The following ALK variants were observed in gnomAD, a reference collection of about 807,000 sequenced individuals.
ALK encodes the protein ALK tyrosine kinase receptor.
ALK carries 74 observed loss-of-function variants against 163.1 expected under a neutral mutation model. That is an observed-to-expected ratio of 0.45 (90% CI 0.38 to 0.55). The LOEUF (loss-of-function observed/expected upper bound fraction) is 0.55, where lower values mean the gene tolerates loss of function less well. Among genes scored for constraint, ALK ranks in the 20% least tolerant of loss-of-function variants. The probability of loss-of-function intolerance (pLI) is 0.00; values close to 1 mark genes in which losing one functional copy is unlikely to be tolerated. For synonymous variants in ALK, 960 were observed against 843.2 expected (o/e 1.14, Z -2.40); for missense variants, 2,063 against 2,105.3 (o/e 0.98, Z 0.39).
At chr2:29,556,738 A>C (rs1317094195) in intron 3 of ALK, among the ~76,000 whole-genome samples, 1 of 152,192 alleles carries the variant, frequency 6.6e-6, no homozygotes, top group Non-Finnish European at 1.5e-5. Context: ...TTTTCTGATC[A>C]ATATTCTACC....
In ALK at chr2:29,383,743, T is replaced by G. The variant is rs1668961804; in HGVS notation, c.1271A>C (p.Asn424Thr). The change falls in exon 5 of 29, where the codon AAC (asparagine) becomes ACC (threonine). Residue 424 changes from asparagine (N) to threonine (T), a missense_variant. Asn to Thr is a moderately conservative substitution (Grantham distance 65). Coordinates refer to ENST00000389048, the MANE Select transcript of ALK (RefSeq NM_004304.5). ...CCAGATTCAGATACCTTCACTGCAG[T>G]TCTTCAGGGCAAAGAAGTCCACTGC... Reference protein sequence around the residue: ...LSAVDFFALKNCSEGTSPGSK... With the variant: ...LSAVDFFALKTCSEGTSPGSK... The G allele has an allele frequency of 6.2e-7, 1 of 1,614,036 alleles. No homozygotes were observed. The highest frequency in any genetic ancestry group is 8.5e-7 in the Non-Finnish European group (1 of 1,179,954).
chr2:29,327,971 C>T (rs922712299), intron 6 of ALK, among the ~76,000 whole-genome samples: 1 of 151,930 alleles, frequency 6.6e-6, no homozygotes, highest in Non-Finnish European at 1.5e-5. Flanking sequence ...AGCTGGGGTG[C>T]ATGGAGGAGG....
At chr2:29,542,869 C>T (rs1673450160) in intron 3 of ALK, among the ~76,000 whole-genome samples, 1 of 152,186 alleles carries the variant, frequency 6.6e-6, no homozygotes, top group South Asian at 2.1e-4. Flanking sequence ...TCTTTCATCT[C>T]TAGCAAATCT....
intron 7 of ALK, among the ~76,000 whole-genome samples, 168 bp downstream of exon 7, chr2:29,320,583 C>G (rs1040921045): frequency 4.6e-5 from 7 of 152,210 alleles, no homozygotes; most frequent in African/African-American, 1.4e-4. Context: ...TTTAATCACT[C>G]GAAAGCCCAA....
chr2:29,239,778 G>T lies in ALK; in HGVS notation c.2257C>A (p.Arg753=), dbSNP rs745499366. The change falls in exon 13 of 29, where the codon CGG becomes AGG. Residue 753 remains arginine, a synonymous_variant. Transcript: ENST00000389048. The part of the protein sequence containing the change: ...GGKGGKNTMM[R]SHGVSVLGIF... ...CCCAGCACAGACACGCCGTGGGACC[G>T]CATCATGGTGTTCTTCCCGCCTTTC... The T allele has an allele frequency of 1.4e-5, 23 of 1,613,790 alleles. No individual in the cohort carries two copies. The highest frequency in any genetic ancestry group is 1.8e-5 in the Non-Finnish European group (21 of 1,180,022).
intron 3 of ALK, among the ~76,000 whole-genome samples, chr2:29,672,140 C>T (rs1057137210): frequency 6.7e-6 from 1 of 149,838 alleles, no homozygotes; most frequent in Non-Finnish European, 1.5e-5. Flanking sequence ...CCCTGCATAC[C>T]TTCTGCAGGA....
At chr2:29,652,223 C>T (rs1677057211) in intron 3 of ALK, among the ~76,000 whole-genome samples, 1 of 151,996 alleles carries the variant, frequency 6.6e-6, no homozygotes. Context: ...AGATAAATTT[C>T]TGGATTCCTT....
At chr2:29,811,727 C>T (rs1664766995) in intron 1 of ALK, among the ~76,000 whole-genome samples, 1 of 152,228 alleles carries the variant, frequency 6.6e-6, no homozygotes, top group Non-Finnish European at 1.5e-5. Context: ...TCTTTCTGCT[C>T]CTCCATTCCT....
At chr2:29,200,244 A>G (rs574295836) in intron 26 of ALK, among the ~76,000 whole-genome samples, 1 of 152,298 alleles carries the variant, frequency 6.6e-6, no homozygotes, top group Admixed American at 6.5e-5. Context: ...TGAACAAGAA[A>G]CTGGCAGTAA....
intron 3 of ALK, among the ~76,000 whole-genome samples, chr2:29,590,661 G>A (rs961495065): frequency 2.0e-5 from 3 of 152,026 alleles, no homozygotes; most frequent in Non-Finnish European, 2.9e-5. Flanking sequence ...CATTACCCGT[G>A]ATGTTTCCTC....
rs79198262 is a variant in ALK at position 29,829,377 on chromosome 2, C to G, written c.667+90616G>C. On this transcript the variant is annotated intron_variant, in intron 1 of 28. Transcript: ENST00000389048. ...ATGCAGTTTAACCATATTCTTTGTG[C>G]CTTCTAGGCCTGAGTTTGTAGATTG... Among the ~76,000 whole-genome samples, 1,309 of 151,422 alleles carry G rather than the reference C, an allele frequency of 8.6e-3. 26 individuals carry two copies. Among genetic ancestry groups the G allele is most frequent in the African/African-American group, 0.029 (1,201 of 41,248 alleles).
At chr2:29,235,866 T>G (rs1262320883) in intron 13 of ALK, among the ~76,000 whole-genome samples, 1 of 121,726 alleles carries the variant, frequency 8.2e-6, no homozygotes, top group Non-Finnish European at 1.7e-5. Flanking sequence ...CTTTTTTTTT[T>G]TTTTTTTTTT....
At chr2:29,209,677 A>G in intron 25 of ALK, 109 bp downstream of exon 25, 1 of 783,952 alleles carries the variant, frequency 1.3e-6, no homozygotes, top group South Asian at 1.5e-5. Flanking sequence ...TTAGGTAGAA[A>G]GTTGACAGGG....
intron 5 of ALK, among the ~76,000 whole-genome samples, chr2:29,359,496 A>G (rs4146672): frequency 0.99 from 150,941 of 152,360 alleles, 74,781 homozygotes; most frequent in East Asian, 1. Flanking sequence ...GTGCTTTCTT[A>G]AGACTGGGCC....
At chr2:29,806,780 A>G (rs1194268057) in intron 1 of ALK, among the ~76,000 whole-genome samples, 1 of 152,210 alleles carries the variant, frequency 6.6e-6, no homozygotes, top group Non-Finnish European at 1.5e-5. Flanking sequence ...GGGTATGTAC[A>G]GGCACGCATG....
At chr2:29,409,503 C>T (rs912275825) in intron 4 of ALK, among the ~76,000 whole-genome samples, 1 of 152,186 alleles carries the variant, frequency 6.6e-6, no homozygotes, top group Non-Finnish European at 1.5e-5. Flanking sequence ...GAGCCCCCTT[C>T]AATCCATCAG....
At chr2:29,823,021 C>T (rs947557354) in intron 1 of ALK, among the ~76,000 whole-genome samples, 3 of 152,186 alleles carry the variant, frequency 2.0e-5, no homozygotes, top group African/African-American at 4.8e-5. Flanking sequence ...TGAATTTCCA[C>T]GTGTTATGGG....
chr2:29,297,074 A>G lies in ALK; in HGVS notation c.1648-17T>C, dbSNP rs1666209655. 2 of 1,614,040 alleles carry G rather than the reference A, an allele frequency of 1.2e-6. No homozygotes were observed. The highest frequency in any genetic ancestry group is 8.5e-7 in the Non-Finnish European group (1 of 1,180,024). ...CATTCGGAGCTGTGAGGGCGAGAAG[A>G]GTCAGAGGACAAGGTATGATTGCTG... is the stretch of plus-strand genomic sequence containing the variant. On this transcript the variant is annotated splice_polypyrimidine_tract_variant and intron_variant, in intron 8 of 28. Transcript: ENST00000389048.
At chr2:29,547,414 T>C (rs1202898468) in intron 3 of ALK, among the ~76,000 whole-genome samples, 1 of 152,188 alleles carries the variant, frequency 6.6e-6, no homozygotes, top group East Asian at 1.9e-4. Flanking sequence ...CTGGGCAACA[T>C]GGTGAAACCC....
Sources: allele counts gnomAD v4.1 joint callset (sites outside exome capture counted in the v4.1 genomes callset), GRCh38; gene constraint gnomAD v4.1.1; transcripts MANE v1.5; gene names NCBI Gene and HGNC (gene_info 2026-07-23, HGNC 2026-07-21).